The following PDE10A variants were observed in gnomAD, a reference collection of about 807,000 sequenced individuals.
PDE10A encodes cAMP and cAMP-inhibited cGMP 3',5'-cyclic phosphodiesterase 10A.
PDE10A carries 39 observed loss-of-function variants against 97.7 expected under a neutral mutation model. That is an observed-to-expected ratio of 0.40 (90% CI 0.31 to 0.52). PDE10A has a LOEUF of 0.52. PDE10A is among the 20% of genes least tolerant of loss of function. PDE10A has a pLI of 0.56. For synonymous variants in PDE10A, 371 were observed against 376.8 expected, an observed-to-expected ratio of 0.98 and a Z score of 0.18; for missense variants, 731 against 1,047.8, an observed-to-expected ratio of 0.70 and a Z score of 4.17.
chr6:165,691,107 C>CTTT (rs1554305960), intron 1 of PDE10A, among the ~76,000 whole-genome samples: 1 of 13,402 alleles, frequency 7.5e-5, no homozygotes, highest in African/African-American at 1.9e-4. Context: ...CTTTCTCTCT[C>CTTT]CCCCCCCCCA....
chr6:165,444,805 G>A (rs1449594254), intron 5 of PDE10A, among the ~76,000 whole-genome samples: 1 of 151,826 alleles, frequency 6.6e-6, no homozygotes, highest in Non-Finnish European at 1.5e-5. Flanking sequence ...AATGTTATTT[G>A]TTATATTTCT....
At chr6:165,866,666 C>CAA (rs1491487414) in intron 1 of PDE10A, among the ~76,000 whole-genome samples, 5 of 51,516 alleles carry the variant, frequency 9.7e-5, no homozygotes, top group African/African-American at 2.8e-4. Flanking sequence ...CTAAAAACAG[C>CAA]AAAAAAACAA....
At chr6:165,555,118 G>T (rs1583530260) in intron 1 of PDE10A, among the ~76,000 whole-genome samples, 1 of 152,066 alleles carries the variant, frequency 6.6e-6, no homozygotes, top group Admixed American at 6.5e-5. Context: ...CCACATTAGG[G>T]TGACTATAGT....
chr6:165,526,911 G>A (rs1210852581), intron 2 of PDE10A, among the ~76,000 whole-genome samples: 13 of 152,182 alleles, frequency 8.5e-5, no homozygotes, highest in Non-Finnish European at 2.9e-5. Flanking sequence ...AATCTTATTC[G>A]GAGAGACCTT....
At chr6:165,658,967 T>G (rs925642837) in intron 1 of PDE10A, among the ~76,000 whole-genome samples, 1 of 152,172 alleles carries the variant, frequency 6.6e-6, no homozygotes, top group Non-Finnish European at 1.5e-5. Context: ...AGTGGGAAGC[T>G]CCCACAGCAG....
chr6:165,636,230 T>C (rs984067994), intron 1 of PDE10A, among the ~76,000 whole-genome samples: 21 of 152,130 alleles, frequency 1.4e-4, no homozygotes, highest in African/African-American at 5.1e-4. Context: ...AGTGCTCACC[T>C]CAACACACTT....
intron 1 of PDE10A, among the ~76,000 whole-genome samples, chr6:165,816,069 C>T (rs1055689738): frequency 1.3e-5 from 2 of 152,110 alleles, no homozygotes; most frequent in Admixed American, 1.3e-4. Context: ...CCTGCCTCAG[C>T]CTCCTGAGTA....
intron 1 of PDE10A, among the ~76,000 whole-genome samples, chr6:165,737,998 T>TA (rs1351172408): frequency 9.0e-4 from 82 of 91,466 alleles, no homozygotes; most frequent in African/African-American, 3.9e-3. Context: ...CCCACTTCTT[T>TA]TTTTTATTTT....
intron 18 of PDE10A, among the ~76,000 whole-genome samples, chr6:165,367,472 T>C (rs1035553824): frequency 4.0e-5 from 6 of 151,704 alleles, no homozygotes; most frequent in Non-Finnish European, 8.8e-5. Flanking sequence ...AAAAGAGACA[T>C]AATGGGGCAG....
intron 1 of PDE10A, among the ~76,000 whole-genome samples, chr6:165,906,000 CTTCCTTCCTTCCT>C (rs1782255136): frequency 6.6e-5 from 4 of 60,836 alleles, no homozygotes; most frequent in Admixed American, 1.8e-4. Context: ...TCCTTCCTTC[CTTCCTTCCTTCCT>C]TCCCTCCCTC....
At chr6:165,815,459 C>T (rs1400900042) in intron 1 of PDE10A, among the ~76,000 whole-genome samples, 1 of 152,150 alleles carries the variant, frequency 6.6e-6, no homozygotes, top group African/African-American at 2.4e-5. Flanking sequence ...ACAAAGTCAA[C>T]CGTGTTGATG....
At chr6:165,382,892 G>A (rs1785025480) in intron 17 of PDE10A, among the ~76,000 whole-genome samples, 1 of 152,128 alleles carries the variant, frequency 6.6e-6, no homozygotes, top group Non-Finnish European at 1.5e-5. Context: ...GAAAAGGACG[G>A]ATTTAAACTA....
At chr6:165,473,658 G>T (rs954429078) in intron 3 of PDE10A, among the ~76,000 whole-genome samples, 1 of 152,092 alleles carries the variant, frequency 6.6e-6, no homozygotes, top group South Asian at 2.1e-4. Flanking sequence ...GCCATGTAAA[G>T]AAATCTCATC....
At chr6:165,333,693 A>G (rs1781474804) in intron 21 of PDE10A, among the ~76,000 whole-genome samples, 1 of 152,212 alleles carries the variant, frequency 6.6e-6, no homozygotes. Context: ...TGCTCTGGTA[A>G]GTCCTCACCC....
chr6:165,431,364 C>T (rs1248839498), intron 8 of PDE10A, 58 bp downstream of exon 8: 1 of 1,122,066 alleles, frequency 8.9e-7, no homozygotes, highest in Non-Finnish European at 1.3e-6. Flanking sequence ...TTCAATGCCT[C>T]ACTCCAAAAA....
intron 1 of PDE10A, among the ~76,000 whole-genome samples, chr6:165,636,668 G>A (rs371602138): frequency 5.9e-5 from 9 of 152,094 alleles, no homozygotes; most frequent in Admixed American, 2.0e-4. Flanking sequence ...CATTTGCCAC[G>A]CAAGCTATTA....
intron 1 of PDE10A, among the ~76,000 whole-genome samples, chr6:165,795,268 A>G (rs770934156): frequency 5.5e-4 from 83 of 152,110 alleles, no homozygotes; most frequent in Non-Finnish European, 1.0e-3. Context: ...ATTCCCTAAC[A>G]TTTCCTGCTC....
intron 1 of PDE10A, among the ~76,000 whole-genome samples, chr6:165,642,635 G>C (rs929024584): frequency 6.6e-6 from 1 of 152,204 alleles, no homozygotes; most frequent in South Asian, 2.1e-4. Flanking sequence ...TTGTAAGACA[G>C]ATCTCAAGTA....
At chr6:165,931,849 CCCAGAGGAAAA>C (rs1783146553) in intron 1 of PDE10A, among the ~76,000 whole-genome samples, 1 of 152,168 alleles carries the variant, frequency 6.6e-6, no homozygotes, top group Non-Finnish European at 1.5e-5. Flanking sequence ...TCCTGCTACA[CCCAGAGGAAAA>C]AGCTCCAGGA....
Sources: allele counts gnomAD v4.1 joint callset (sites outside exome capture counted in the v4.1 genomes callset), GRCh38; gene constraint gnomAD v4.1.1; transcripts MANE v1.5; gene names NCBI Gene and HGNC (gene_info 2026-07-23, HGNC 2026-07-21).